Variants in MACROD2 observed in about 807,000 individuals in gnomAD.
The protein encoded by MACROD2 is ADP-ribose glycohydrolase MACROD2.
A neutral mutation model predicts 70.4 loss-of-function variants in MACROD2; 36 were observed. That is an observed-to-expected ratio of 0.51 (90% CI 0.39 to 0.68). The LOEUF (loss-of-function observed/expected upper bound fraction) is 0.68, where lower values mean the gene tolerates loss of function less well. Ranked by LOEUF, MACROD2 falls within the 30% of genes least tolerant of loss-of-function variation. The probability of loss-of-function intolerance (pLI) is 0.00; values close to 1 mark genes in which losing one functional copy is unlikely to be tolerated. For missense variants in MACROD2, 496 were observed against 538.4 expected, an observed-to-expected ratio of 0.92 and a Z score of 0.78; for synonymous variants, 172 against 178.8, an observed-to-expected ratio of 0.96 and a Z score of 0.30.
intron 7 of MACROD2, among the ~76,000 whole-genome samples, chr20:15,450,248 A>G (rs957400033): frequency 6.6e-6 from 1 of 151,960 alleles, no homozygotes; most frequent in East Asian, 1.9e-4. Flanking sequence ...GAAATTTTAT[A>G]TATATTACAA....
At chr20:15,700,866 A>G (rs896254816) in intron 8 of MACROD2, among the ~76,000 whole-genome samples, 6 of 152,240 alleles carry the variant, frequency 3.9e-5, no homozygotes, top group Non-Finnish European at 8.8e-5. Context: ...GTTAGCATGT[A>G]TGGAGATATA....
chr20:14,747,878 A>G (rs889460950), intron 5 of MACROD2, among the ~76,000 whole-genome samples: 2 of 152,200 alleles, frequency 1.3e-5, no homozygotes, highest in South Asian at 4.1e-4. Flanking sequence ...CTGCATGTCT[A>G]CTAGGACAGT....
intron 10 of MACROD2, among the ~76,000 whole-genome samples, chr20:15,911,653 G>A (rs1365229392): frequency 6.6e-6 from 1 of 152,180 alleles, no homozygotes; most frequent in African/African-American, 2.4e-5. Flanking sequence ...GAAAATCAGT[G>A]TGGTGGGAGA....
chr20:14,135,797 A>G (rs536382274), intron 3 of MACROD2, among the ~76,000 whole-genome samples: 1 of 152,344 alleles, frequency 6.6e-6, no homozygotes, highest in African/African-American at 2.4e-5. Context: ...AAGATTCCCT[A>G]CCATTGATGT....
chr20:15,475,099 A>G (rs2047005609), intron 7 of MACROD2, among the ~76,000 whole-genome samples: 1 of 152,204 alleles, frequency 6.6e-6, no homozygotes, highest in Non-Finnish European at 1.5e-5. Context: ...TCACATTTAC[A>G]TTTTATTAGG....
At chr20:14,485,433 G>A (rs371105840) in intron 3 of MACROD2, among the ~76,000 whole-genome samples, 4 of 152,160 alleles carry the variant, frequency 2.6e-5, no homozygotes, top group African/African-American at 7.2e-5. Flanking sequence ...CAGGCGTGGT[G>A]GCTCACGCCT....
intron 6 of MACROD2, among the ~76,000 whole-genome samples, chr20:15,409,048 T>C (rs567857830): frequency 6.6e-6 from 1 of 152,340 alleles, no homozygotes; most frequent in Non-Finnish European, 1.5e-5. Flanking sequence ...TAATTAAAGC[T>C]ATAAGAAAAT....
At chr20:14,185,657 T>G (rs1273057831) in intron 3 of MACROD2, among the ~76,000 whole-genome samples, 2 of 152,134 alleles carry the variant, frequency 1.3e-5, no homozygotes, top group African/African-American at 4.8e-5. Context: ...AGGTCTGTAG[T>G]AGAGTAATTC....
chr20:15,275,258 A>ATG (rs2077380795), intron 6 of MACROD2, among the ~76,000 whole-genome samples: 1 of 152,202 alleles, frequency 6.6e-6, no homozygotes, highest in Non-Finnish European at 1.5e-5. Flanking sequence ...AAACAAAAAC[A>ATG]ACCTCCCAGG....
In MACROD2 at chr20:14,250,595, G is replaced by T. The variant is rs2082004531; in HGVS notation, c.271+164867G>T. Among the ~76,000 whole-genome samples, 3 of 152,052 alleles carry T rather than the reference G, an allele frequency of 2.0e-5. No homozygotes were observed. In the South Asian group the frequency reaches 6.2e-4, roughly 31 times the overall value. ...CAGTTTATCTGGCAAATTCTTGATT[G>T]GGGAATTGTAGATGGATCAGGCATT... On this transcript the variant is annotated intron_variant, in intron 3 of 17. Coordinates refer to ENST00000684519, the MANE Select transcript of MACROD2 (RefSeq NM_001351661.2).
intron 5 of MACROD2, among the ~76,000 whole-genome samples, chr20:15,038,954 G>A (rs546295346): frequency 6.6e-6 from 1 of 152,232 alleles, no homozygotes; most frequent in East Asian, 1.9e-4. Flanking sequence ...TAATAATTGA[G>A]GGCCAGGCAA....
intron 17 of MACROD2, among the ~76,000 whole-genome samples, chr20:16,046,672 AAAC>A: frequency 6.9e-6 from 1 of 145,034 alleles, no homozygotes; most frequent in East Asian, 2.0e-4. Flanking sequence ...TCAGGTGTCA[AAAC>A]TTTTTTTTTT....
chr20:15,186,228 A>G (rs917704526), intron 5 of MACROD2, among the ~76,000 whole-genome samples: 2 of 151,922 alleles, frequency 1.3e-5, no homozygotes, highest in African/African-American at 4.8e-5. Context: ...CTAGATTTGA[A>G]AGTTATTTGT....
Position 14,174,347 on chromosome 20 carries a change from T to A in MACROD2, c.271+88619T>A, listed in dbSNP as rs534138059. Among the ~76,000 whole-genome samples the A allele has an allele frequency of 1.1e-4, 17 of 152,224 alleles. No individual in the cohort carries two copies. The South Asian group carries it at 3.3e-3, about 30-fold the overall frequency. ...CTTCTTGGGCGGGTCTTGCTGTGGC[T>A]GCTGTGGGGGATGAGGATTTGGTTC... On this transcript the variant is annotated intron_variant, in intron 3 of 17. Coordinates refer to ENST00000684519, the MANE Select transcript of MACROD2 (RefSeq NM_001351661.2).
chr20:15,210,655 G>A lies in MACROD2; in HGVS notation c.419-19285G>A, dbSNP rs144484534. Among the ~76,000 whole-genome samples the A allele has an allele frequency of 1.9e-3, 288 of 151,418 alleles. 1 individual carries two copies. Among genetic ancestry groups the A allele is most frequent in the African/African-American group, 6.7e-3 (276 of 41,192 alleles). Reference sequence around the variant, plus strand: ...CGAATTGTAATCCCCAGTGTTAGAGGAAGGGCCTGGTGAGAGCTGTTTAGA... The same window carrying A: ...CGAATTGTAATCCCCAGTGTTAGAGAAAGGGCCTGGTGAGAGCTGTTTAGA... On this transcript the variant is annotated intron_variant, in intron 5 of 17. Coordinates refer to ENST00000684519, the MANE Select transcript of MACROD2 (RefSeq NM_001351661.2).
intron 4 of MACROD2, among the ~76,000 whole-genome samples, chr20:14,564,620 G>A (rs1014222773): frequency 6.6e-6 from 1 of 151,620 alleles, no homozygotes; most frequent in African/African-American, 2.4e-5. Context: ...TAATCATCAG[G>A]GAAATGCAAA....
intron 6 of MACROD2, among the ~76,000 whole-genome samples, chr20:15,317,447 G>C (rs1354549157): frequency 6.6e-6 from 1 of 151,890 alleles, no homozygotes; most frequent in African/African-American, 2.4e-5. Flanking sequence ...GTGAAACAGA[G>C]CTAAGAAGAT....
intron 8 of MACROD2, among the ~76,000 whole-genome samples, chr20:15,809,219 C>T (rs1219884318): frequency 7.9e-5 from 12 of 152,210 alleles, no homozygotes; most frequent in Admixed American, 7.9e-4. Context: ...CTGCAAGACA[C>T]TGCATGATGT....
chr20:14,471,749 A>T (rs1417362385), intron 3 of MACROD2, among the ~76,000 whole-genome samples: 1 of 152,204 alleles, frequency 6.6e-6, no homozygotes, highest in Non-Finnish European at 1.5e-5. Flanking sequence ...TCTAACGTGT[A>T]GTTATCTGAC....
Sources: allele counts gnomAD v4.1 joint callset (sites outside exome capture counted in the v4.1 genomes callset), GRCh38; gene constraint gnomAD v4.1.1; transcripts MANE v1.5; gene names NCBI Gene and HGNC (gene_info 2026-07-23, HGNC 2026-07-21).